Variants in NUDT12 observed in about 807,000 individuals in gnomAD.
NUDT12 encodes the protein nudix hydrolase 12, also known as NAD-capped RNA hydrolase NUDT12.
Under a neutral mutation model 45.7 loss-of-function variants are expected in NUDT12, and 42 were observed. That is an observed-to-expected ratio of 0.92 (90% CI 0.72 to 1.19). The LOEUF is 1.19. NUDT12 is among the 50% of genes most tolerant of loss of function. The pLI is 0.00. For synonymous variants in NUDT12, 206 were observed against 179.7 expected (o/e 1.15, Z -1.17); for missense variants, 590 against 533.1 (o/e 1.11, Z -1.05).
rs1174578892 is a variant in NUDT12 at position 103,552,327 on chromosome 5, A to G, written c.1168T>C (p.Trp390Arg). The G allele has an allele frequency of 6.2e-7, 1 of 1,613,974 alleles. No homozygotes were observed. The highest frequency in any genetic ancestry group is 1.7e-5 in the Admixed American group (1 of 59,956). The change falls in exon 6 of 7, where the codon TGG becomes CGG. Residue 390 changes from tryptophan (W) to arginine (R), a missense_variant. Trp to Arg is a moderately radical substitution (Grantham distance 101). Transcript: ENST00000230792. The stretch of plus-strand genomic sequence containing the variant: ...ATCATTAAGGAGGAAGGCATTGGCC[A>G]TGGTTGACAAGCAACATACTGAACA... ...GHVQYVACQPWPMPSSLMIGC... is the reference protein window; with the variant it reads ...GHVQYVACQPRPMPSSLMIGC...
At chr5:103,555,182 G>A (rs1035647135) in intron 4 of NUDT12, among the ~76,000 whole-genome samples, 4 of 151,918 alleles carry the variant, frequency 2.6e-5, no homozygotes, top group Admixed American at 1.3e-4. Flanking sequence ...GTAATACATG[G>A]AAATAAGGAA....
rs1023347184 is a variant in NUDT12 at position 103,548,970 on chromosome 5, A to C, written c.*1891T>G. On this transcript the variant is annotated 3_prime_UTR_variant, in exon 7 of 7. Coordinates refer to ENST00000230792, the MANE Select transcript of NUDT12 (RefSeq NM_031438.4). ...ATTCCTTCTATTTACATAGCTTTTC[A>C]CCTCTCAGAGGTTGGCAATTTAAGA... is the stretch of plus-strand genomic sequence containing the variant. 6.6e-6 allele frequency: 1 copy of C among 152,052 alleles called. No individual in the cohort carries two copies. The highest frequency in any genetic ancestry group is 2.4e-5 in the African/African-American group (1 of 41,422). The allele number at this position is 152,052 out of a possible 1,614,324, so 9.4% of individuals were successfully genotyped here.
chr5:103,559,171 A>G lies in NUDT12; in HGVS notation c.504T>C (p.Ser168=). ...AAAGCCTAACTTCTGGCTGTTGGAA[A>G]CTTTCTTTATTGCCACCTAGAGTAA... ...PLVTLGGNKE[S]FQQPEVRLCQ... Residue 168 remains serine (S), a synonymous_variant, in exon 3 of 7, where the codon AGT becomes AGC. Transcript: ENST00000230792. The G allele has an allele frequency of 6.4e-7, 1 of 1,557,540 alleles. No individual in the cohort carries two copies. The highest frequency in any genetic ancestry group is 2.0e-5 in the Admixed American group (1 of 50,918).
At chr5:103,558,335 C>A (rs1177719426) in intron 3 of NUDT12, among the ~76,000 whole-genome samples, 1 of 152,096 alleles carries the variant, frequency 6.6e-6, no homozygotes, top group East Asian at 1.9e-4. Context: ...CTAACTCAAG[C>A]CATTGCAATC....
rs1192895153 is a variant in NUDT12 at position 103,552,375 on chromosome 5, C to G, written c.1120G>C (p.Glu374Gln). The G allele has an allele frequency of 6.2e-7, 1 of 1,613,828 alleles. No homozygotes were observed. Among genetic ancestry groups the G allele is most frequent in the East Asian group, 2.2e-5 (1 of 44,882 alleles). Residue 374 changes from glutamate to glutamine, a missense_variant, in exon 6 of 7, where the codon GAA becomes CAA. Coordinates refer to ENST00000230792, the MANE Select transcript of NUDT12 (RefSeq NM_031438.4). ...EDAVRREVEE[E>Q]SGVKVGHVQY... ...ACATGGCCAACTTTGACTCCACTTT[C>G]CTCTTCTACTTCTCTCCTAACAGCA...
Position 103,559,928 on chromosome 5 carries a change from A to G in NUDT12, c.206+115T>C. On this transcript the variant is annotated intron_variant, in intron 2 of 6. Coordinates refer to ENST00000230792, the MANE Select transcript of NUDT12 (RefSeq NM_031438.4). ...ACATTTTTACATAAATTAGCCAATG[A>G]GTTATTTAGTAGTTCAACAATATAA... The G allele has an allele frequency of 4.7e-6, 3 of 643,824 alleles. No homozygotes were observed. The South Asian group carries it at 7.0e-5, about 15-fold the overall frequency. 39.9% of individuals were successfully genotyped at this position (643,824 alleles called of 1,614,324 possible).
intron 1 of NUDT12, among the ~76,000 whole-genome samples, chr5:103,561,077 G>A (rs546249361): frequency 2.6e-4 from 39 of 149,050 alleles, no homozygotes; most frequent in African/African-American, 8.1e-4. Flanking sequence ...TTTTTTTGGC[G>A]GCGGGGGATG....
chr5:103,554,813 G>T lies in NUDT12; in HGVS notation c.1005C>A (p.Thr335=), dbSNP rs747310883. The change falls in exon 5 of 7, where the codon ACC becomes ACA. Residue 335 remains threonine (T), a synonymous_variant. Coordinates refer to ENST00000230792, the MANE Select transcript of NUDT12 (RefSeq NM_031438.4). ...VIMQVIHPDG[T]KCLLGRQKRF... The stretch of plus-strand genomic sequence containing the variant: ...TTTTCTGCCTGCCTAAAAGGCATTT[G>T]GTCCCATCTGGATGAATAACTTGCA... 9.6e-6 allele frequency: 15 copies of T among 1,564,042 alleles called. No homozygotes were observed. In the African/African-American group the frequency reaches 2.1e-4, roughly 22 times the overall value.
intron 6 of NUDT12, 124 bp downstream of exon 6, chr5:103,552,093 C>G: frequency 1.5e-6 from 1 of 679,824 alleles, no homozygotes; most frequent in Non-Finnish European, 2.6e-6. Context: ...ACCATGTAAT[C>G]CATGCATAAT....
rs766535567 is a variant in NUDT12 at position 103,554,773 on chromosome 5, T to C, written c.1045A>G (p.Met349Val). ...LGRQKRFPPG[M>V]FTCLAGFIEP... is the part of the protein sequence containing the mutation. The stretch of plus-strand genomic sequence containing the variant: ...ATAAATCCAGCAAGGCAAGTAAACA[T>C]GCCTGGGGGAAATCTTTTCTGCCTG... The change falls in exon 5 of 7, where the codon ATG becomes GTG. Residue 349 changes from methionine to valine, a missense_variant. Coordinates refer to ENST00000230792, the MANE Select transcript of NUDT12 (RefSeq NM_031438.4). 2.6e-6 allele frequency: 4 copies of C among 1,547,870 alleles called. No homozygotes were observed. The highest frequency in any genetic ancestry group is 2.4e-5 in the East Asian group (1 of 41,622).
At chr5:103,561,960 G>A (rs1417180660) in intron 1 of NUDT12, among the ~76,000 whole-genome samples, 1 of 152,136 alleles carries the variant, frequency 6.6e-6, no homozygotes, top group African/African-American at 2.4e-5. Context: ...AAGCCATCTA[G>A]AAATAGTACC....
At chr5:103,560,669 G>T (rs989591735) in intron 1 of NUDT12, among the ~76,000 whole-genome samples, 4 of 152,176 alleles carry the variant, frequency 2.6e-5, no homozygotes, top group Admixed American at 1.3e-4. Context: ...CAGGAAAACA[G>T]TTTATTGTTT....
At chr5:103,559,679 T>C in intron 2 of NUDT12, 1 of 442,994 alleles carries the variant, frequency 2.3e-6, no homozygotes. Context: ...AGTGGATACT[T>C]ACACTTTCTG....
Position 103,550,580 on chromosome 5 carries a change from A to T in NUDT12, c.*281T>A. The T allele has an allele frequency of 4.3e-6, 1 of 233,942 alleles. No individual in the cohort carries two copies. The highest frequency in any genetic ancestry group is 8.4e-6 in the Non-Finnish European group (1 of 118,804). 14.5% of individuals were successfully genotyped at this position (233,942 alleles called of 1,614,324 possible). ...CCAACATGATGTCTCTTATTAGAAA[A>T]ATGGTTTTGTGAGATAAAACTGTGA... On this transcript the variant is annotated 3_prime_UTR_variant, in exon 7 of 7. Coordinates refer to ENST00000230792, the MANE Select transcript of NUDT12 (RefSeq NM_031438.4).
intron 4 of NUDT12, among the ~76,000 whole-genome samples, chr5:103,555,081 C>T (rs576622898): frequency 1.2e-4 from 18 of 151,988 alleles, no homozygotes; most frequent in African/African-American, 4.1e-4. Flanking sequence ...CATTTTTGTC[C>T]TTCTTCCCCC....
intron 5 of NUDT12, among the ~76,000 whole-genome samples, chr5:103,554,071 C>T (rs1437942635): frequency 6.6e-6 from 1 of 151,986 alleles, no homozygotes; most frequent in Non-Finnish European, 1.5e-5. Flanking sequence ...TATATGTTTA[C>T]TGTTATTATC....
intron 3 of NUDT12, 116 bp from the exon 4 acceptor site, chr5:103,556,214 T>C: frequency 1.6e-6 from 1 of 630,254 alleles, no homozygotes; most frequent in South Asian, 5.2e-5. Context: ...GGTTTTAGTA[T>C]TTCTATTTTT....
chr5:103,552,302 A>G lies in NUDT12; in HGVS notation c.1193T>C (p.Ile398Thr). ...QPWPMPSSLM[I>T]GCLALAVSTE... ...AGACACTGCTAGAGCTAAGCAACCA[A>G]TCATTAAGGAGGAAGGCATTGGCCA... The change falls in exon 6 of 7, where the codon ATT becomes ACT. Residue 398 changes from isoleucine (I) to threonine (T), a missense_variant. Coordinates refer to ENST00000230792, the MANE Select transcript of NUDT12 (RefSeq NM_031438.4). The G allele has an allele frequency of 6.2e-7, 1 of 1,613,916 alleles. No individual in the cohort carries two copies. Among genetic ancestry groups the G allele is most frequent in the African/African-American group, 1.3e-5 (1 of 75,046 alleles).
At chr5:103,552,893 A>G (rs762607469) in intron 5 of NUDT12, among the ~76,000 whole-genome samples, 111 of 152,268 alleles carry the variant, frequency 7.3e-4, no homozygotes, top group Admixed American at 1.4e-3. Context: ...TACAAACTAC[A>G]TAAGATGAAA....
Sources: gnomAD v4.1 joint callset for allele counts (sites outside exome capture counted in the v4.1 genomes callset) on GRCh38, gnomAD v4.1.1 for gene constraint, MANE v1.5 for transcripts, NCBI Gene and HGNC (gene_info 2026-07-23, HGNC 2026-07-21) for gene names.